PRKN: variants seen among roughly 807,000 people sequenced by gnomAD.
The protein encoded by PRKN is parkin RBR E3 ubiquitin protein ligase.
PRKN carries 56 observed loss-of-function variants against 59.5 expected under a neutral mutation model. That is an observed-to-expected ratio of 0.94 (90% confidence interval 0.76 to 1.18). PRKN has a LOEUF of 1.18. PRKN is among the 50% of genes most tolerant of loss of function. The pLI is 0.00. For missense variants in PRKN, 657 were observed against 596.4 expected (o/e 1.10, Z -1.06); for synonymous variants, 250 against 222.1 (o/e 1.13, Z -1.12).
chr6:161,462,566 T>C lies in PRKN; in HGVS notation c.1084-75689A>G, dbSNP rs1314701825. On this transcript the variant is annotated intron_variant, in intron 9 of 11. Transcript: ENST00000366898. The surrounding 1 kb of genome is among the most constrained non-coding windows in gnomAD (Gnocchi z 4.5). Reference sequence around the variant, plus strand: ...TCTGAAGTGAAATGACACCATGATGTCTGATCAGCAATATAGCTCACCCTT... The same window carrying C: ...TCTGAAGTGAAATGACACCATGATGCCTGATCAGCAATATAGCTCACCCTT... Among the ~76,000 whole-genome samples the C allele has an allele frequency of 6.6e-6, 1 of 152,156 alleles. No individual in the cohort carries two copies. The highest frequency in any genetic ancestry group is 2.4e-5 in the African/African-American group (1 of 41,418).
chr6:162,383,807 G>C (rs912221959), intron 2 of PRKN, among the ~76,000 whole-genome samples: 1 of 152,132 alleles, frequency 6.6e-6, no homozygotes, highest in Non-Finnish European at 1.5e-5. Flanking sequence ...CACCTTCATC[G>C]ATGATCATAA....
intron 7 of PRKN, among the ~76,000 whole-genome samples, chr6:161,774,279 C>A (rs1789818210): frequency 6.6e-6 from 1 of 152,060 alleles, no homozygotes; most frequent in African/African-American, 2.4e-5. Flanking sequence ...TCGCCCTCCT[C>A]TCCACCAGCG....
chr6:162,070,908 C>T (rs191078765), intron 4 of PRKN, among the ~76,000 whole-genome samples: 19 of 152,038 alleles, frequency 1.2e-4, no homozygotes, highest in Admixed American at 5.2e-4. Flanking sequence ...GGCACCGCTG[C>T]CCTAGGGCAC....
chr6:161,980,229 A>G (rs1781208653), intron 5 of PRKN, among the ~76,000 whole-genome samples: 1 of 152,196 alleles, frequency 6.6e-6, no homozygotes, highest in Non-Finnish European at 1.5e-5. Flanking sequence ...TCCAAACGAA[A>G]TATTGTATCT....
chr6:162,275,912 G>A (rs1437978922), intron 2 of PRKN, among the ~76,000 whole-genome samples: 1 of 152,224 alleles, frequency 6.6e-6, no homozygotes, highest in African/African-American at 2.4e-5. Flanking sequence ...AACTGTGGCA[G>A]AGGCGCAAGA....
rs59477963 is a variant in PRKN at position 161,450,564 on chromosome 6, C to CTT, written c.1084-63689_1084-63688dup. Among the ~76,000 whole-genome samples the CTT allele has an allele frequency of 4.2e-3, 629 of 149,892 alleles. 3 individuals carry two copies. Among genetic ancestry groups the CTT allele is most frequent in the African/African-American group, 0.014 (591 of 40,988 alleles). On this transcript the variant is annotated intron_variant, in intron 9 of 11. Coordinates refer to ENST00000366898, the MANE Select transcript of PRKN (RefSeq NM_004562.3). The stretch of plus-strand genomic sequence containing the variant: ...TTTACTTAATGTTTTCTTTTTCTTC[C>CTT]TTTTTTTTTTGAGACGGAGTCTCGC...
chr6:161,708,054 AG>A (rs1247742091), intron 7 of PRKN, among the ~76,000 whole-genome samples: 1 of 152,216 alleles, frequency 6.6e-6, no homozygotes, highest in Non-Finnish European at 1.5e-5. Flanking sequence ...TTTAGTGTCT[AG>A]AATCATACCT....
At chr6:161,476,099 A>G (rs565038828) in intron 9 of PRKN, among the ~76,000 whole-genome samples, 34,117 of 150,398 alleles carry the variant, frequency 0.23, 4,235 homozygotes, top group African/African-American at 0.33. Context: ...AGGCCGGAGA[A>G]TGGTGTGGAC....
chr6:162,316,711 C>T (rs909754433), intron 2 of PRKN, among the ~76,000 whole-genome samples: 7 of 151,962 alleles, frequency 4.6e-5, no homozygotes, highest in East Asian at 3.9e-4. Context: ...CACTATTAAG[C>T]GCCAATTCTG....
At chr6:161,902,550 T>TCTATCTATC (rs1554245408) in intron 6 of PRKN, among the ~76,000 whole-genome samples, 10 of 101,358 alleles carry the variant, frequency 9.9e-5, no homozygotes, top group African/African-American at 3.0e-4. Context: ...ATCTATCTAT[T>TCTATCTATC]TATTTATTTA....
chr6:161,717,537 A>C (rs1411767269), intron 7 of PRKN, among the ~76,000 whole-genome samples: 3 of 152,216 alleles, frequency 2.0e-5, no homozygotes, highest in Non-Finnish European at 4.4e-5. Context: ...GGGAGCAGGA[A>C]TATGAGGAGG....
intron 1 of PRKN, among the ~76,000 whole-genome samples, chr6:162,665,559 C>T (rs554657785): frequency 6.6e-6 from 1 of 152,206 alleles, no homozygotes; most frequent in African/African-American, 2.4e-5. Context: ...GAAAAATATT[C>T]TACCCTCATG....
At chr6:161,788,998 C>T (rs1006478379) in intron 6 of PRKN, among the ~76,000 whole-genome samples, 12 of 152,120 alleles carry the variant, frequency 7.9e-5, no homozygotes, top group East Asian at 1.9e-4. Flanking sequence ...TACACACACA[C>T]GCACATACAC....
At chr6:161,775,619 C>T (rs557008425) in intron 7 of PRKN, among the ~76,000 whole-genome samples, 3 of 152,194 alleles carry the variant, frequency 2.0e-5, no homozygotes, top group East Asian at 1.9e-4. Context: ...TCTTTTGTAA[C>T]GCATCTTTTA....
At chr6:161,351,590 G>C (rs1469258985) in intron 11 of PRKN, among the ~76,000 whole-genome samples, 1 of 152,104 alleles carries the variant, frequency 6.6e-6, no homozygotes, top group Non-Finnish European at 1.5e-5. Context: ...CTCCCAAAGT[G>C]CTGGGATTAC....
intron 6 of PRKN, among the ~76,000 whole-genome samples, chr6:161,889,756 G>A (rs55744616): frequency 0.02 from 2,988 of 152,278 alleles, 107 homozygotes; most frequent in African/African-American, 0.068. Flanking sequence ...TTGGTTGAGA[G>A]AATGCATTCA....
chr6:162,347,554 T>A (rs1784455227), intron 2 of PRKN, among the ~76,000 whole-genome samples: 1 of 152,076 alleles, frequency 6.6e-6, no homozygotes, highest in African/African-American at 2.4e-5. Flanking sequence ...CTTAAATATG[T>A]GTGTTTGAAT....
intron 2 of PRKN, among the ~76,000 whole-genome samples, chr6:162,317,275 G>A (rs1006872766): frequency 2.0e-5 from 3 of 151,940 alleles, no homozygotes; most frequent in South Asian, 4.2e-4. Context: ...CACTTTCCCC[G>A]ATACTGTTCC....
At chr6:162,440,550 G>T (rs1790002884) in intron 2 of PRKN, among the ~76,000 whole-genome samples, 1 of 151,868 alleles carries the variant, frequency 6.6e-6, no homozygotes, top group African/African-American at 2.4e-5. Context: ...TTATTGACAG[G>T]GTCTTCTTTT....
Sources: allele counts gnomAD v4.1 joint callset (sites outside exome capture counted in the v4.1 genomes callset), GRCh38; gene constraint gnomAD v4.1.1; non-coding constraint Gnocchi (gnomAD v3.1); transcripts MANE v1.5; gene names NCBI Gene and HGNC (gene_info 2026-07-23, HGNC 2026-07-21).